C12orf42: variants seen among roughly 807,000 people sequenced by gnomAD.
C12orf42 encodes chromosome 12 open reading frame 42.
A neutral mutation model predicts 21.6 loss-of-function variants in C12orf42; 25 were observed. The ratio of observed to expected loss-of-function variants is 1.16; its 90% CI spans 0.84 to 1.62. The LOEUF is 1.62. Among genes scored for constraint, C12orf42 ranks in the 40% most tolerant of loss-of-function variants. The probability of loss-of-function intolerance (pLI) is 0.00; values close to 1 mark genes in which losing one functional copy is unlikely to be tolerated. For synonymous variants in C12orf42, 174 were observed against 175.0 expected (o/e 0.99, Z 0.05); for missense variants, 483 against 459.3 (o/e 1.05, Z -0.47).
the C12orf42 span, among the ~76,000 whole-genome samples, chr12:103,076,660 ATTCTT>A: frequency 6.6e-6 from 1 of 152,168 alleles, no homozygotes; most frequent in African/African-American, 2.4e-5. Context: ...AACTGAAACT[ATTCTT>A]TTCTAGTCAC....
intron 10 of C12orf42, among the ~76,000 whole-genome samples, chr12:103,256,984 AC>A (rs1193055414): frequency 6.6e-6 from 1 of 152,102 alleles, no homozygotes; most frequent in African/African-American, 2.4e-5. Flanking sequence ...TGTGGTTTTG[AC>A]TGGATAAAAA....
chr12:103,465,030 T>C lies in C12orf42; in HGVS notation c.78+13319A>G, dbSNP rs1262012891. On this transcript the variant is annotated intron_variant, in intron 2 of 5. Transcript: ENST00000548883. Reference sequence around the variant, plus strand: ...TTCCAGCTTTGTTCTTTTTACTTTTTATTTTGTTCTTTTTACTTTACTCTT... The same window carrying C: ...TTCCAGCTTTGTTCTTTTTACTTTTCATTTTGTTCTTTTTACTTTACTCTT... Among the ~76,000 whole-genome samples the C allele has an allele frequency of 2.0e-5, 3 of 151,624 alleles. No homozygotes were observed. The East Asian group carries it at 5.8e-4, about 29-fold the overall frequency.
chr12:103,049,232 G>C, the C12orf42 span, among the ~76,000 whole-genome samples: 1 of 152,008 alleles, frequency 6.6e-6, no homozygotes, highest in African/African-American at 2.4e-5. Flanking sequence ...TTCCAAATCC[G>C]CTCCTCTCAT....
the C12orf42 span, among the ~76,000 whole-genome samples, chr12:103,199,304 T>A: frequency 1.3e-5 from 2 of 152,088 alleles, no homozygotes; most frequent in African/African-American, 4.8e-5. Flanking sequence ...GACCTAAAAA[T>A]CAACTCAAAA....
intron 10 of C12orf42, among the ~76,000 whole-genome samples, chr12:103,256,284 G>A (rs1426846031): frequency 6.6e-6 from 1 of 150,476 alleles, no homozygotes; most frequent in East Asian, 1.9e-4. Flanking sequence ...TGATGATAGT[G>A]ACAGTATACT....
the C12orf42 span, among the ~76,000 whole-genome samples, chr12:103,535,417 C>CT: frequency 6.9e-4 from 100 of 144,990 alleles, no homozygotes; most frequent in African/African-American, 1.6e-3. Flanking sequence ...CTGCACCCAG[C>CT]TTTTTTTTTT....
intron 1 of C12orf42, among the ~76,000 whole-genome samples, chr12:103,480,769 A>C (rs917221825): frequency 5.3e-5 from 8 of 151,616 alleles, no homozygotes; most frequent in African/African-American, 2.4e-5. Flanking sequence ...GATTTGTTTG[A>C]TATCAATTCT....
intron 10 of C12orf42, among the ~76,000 whole-genome samples, chr12:103,247,959 G>T (rs1294143606): frequency 6.6e-6 from 1 of 151,930 alleles, no homozygotes; most frequent in Non-Finnish European, 1.5e-5. Context: ...CTCTTATTAT[G>T]CCTATTTTAC....
At chr12:103,536,259 AG>A in the C12orf42 span, among the ~76,000 whole-genome samples, 9 of 152,142 alleles carry the variant, frequency 5.9e-5, no homozygotes, top group Admixed American at 2.6e-4. Context: ...ATTCTCTGAG[AG>A]AGGAACACAA....
At chr12:103,238,270 C>T (rs2033550418) in intron 10 of C12orf42, among the ~76,000 whole-genome samples, 2 of 151,770 alleles carry the variant, frequency 1.3e-5, no homozygotes, top group Non-Finnish European at 2.9e-5. Context: ...TTTCACACTG[C>T]AACAGTACAG....
chr12:103,296,198 A>AT (rs1400050912), intron 4 of C12orf42, among the ~76,000 whole-genome samples: 1 of 151,620 alleles, frequency 6.6e-6, no homozygotes, highest in African/African-American at 2.4e-5. Flanking sequence ...TGAACTCTTC[A>AT]TTTTTTATGG....
intron 6 of C12orf42, among the ~76,000 whole-genome samples, chr12:103,269,404 C>T (rs965892442): frequency 6.6e-6 from 1 of 152,130 alleles, no homozygotes; most frequent in Non-Finnish European, 1.5e-5. Flanking sequence ...GGGCCATACT[C>T]ATATTGTGTT....
intron 4 of C12orf42, among the ~76,000 whole-genome samples, chr12:103,343,554 G>A (rs371934751): frequency 5.3e-4 from 81 of 151,938 alleles, no homozygotes; most frequent in Non-Finnish European, 9.4e-4. Context: ...CGAGGCGGGC[G>A]GATCACCTGA....
At chr12:103,050,219 G>GGT in the C12orf42 span, among the ~76,000 whole-genome samples, 5,761 of 148,696 alleles carry the variant, frequency 0.039, 129 homozygotes, top group East Asian at 0.12. Flanking sequence ...TTTTCTCACA[G>GGT]GTGTGTGTGT....
chr12:103,259,235 T>G (rs1182208973), intron 10 of C12orf42, among the ~76,000 whole-genome samples: 5 of 152,188 alleles, frequency 3.3e-5, no homozygotes, highest in African/African-American at 7.2e-5. Flanking sequence ...GAACTGAAAT[T>G]GGATTATAAC....
upstream of C12orf42, among the ~76,000 whole-genome samples, chr12:103,496,813 G>GAA (rs35226409): frequency 1.5e-3 from 168 of 111,076 alleles, no homozygotes; most frequent in Middle Eastern, 0.019. Context: ...TTCTAGCCGG[G>GAA]AAAAAAAAAA....
the C12orf42 span, among the ~76,000 whole-genome samples, chr12:103,078,000 AT>A: frequency 1.3e-5 from 2 of 152,118 alleles, no homozygotes; most frequent in African/African-American, 4.8e-5. Context: ...TAGGACAATC[AT>A]TTGCTCAATA....
chr12:103,342,112 G>A (rs575642538), intron 4 of C12orf42, among the ~76,000 whole-genome samples: 1 of 152,222 alleles, frequency 6.6e-6, no homozygotes, highest in African/African-American at 2.4e-5. Context: ...CAGTTTGCAG[G>A]CACATCTGAA....
chr12:103,282,544 G>A (rs2036202536), intron 4 of C12orf42, among the ~76,000 whole-genome samples: 1 of 152,182 alleles, frequency 6.6e-6, no homozygotes, highest in Non-Finnish European at 1.5e-5. Context: ...TAGCCTAGGT[G>A]TGTAGAAGGC....
Sources: allele counts gnomAD v4.1 joint callset (sites outside exome capture counted in the v4.1 genomes callset), GRCh38; gene constraint gnomAD v4.1.1; transcripts MANE v1.5; gene names NCBI Gene and HGNC (gene_info 2026-07-23, HGNC 2026-07-21).